Variants in DCT observed in about 807,000 individuals in gnomAD.
DCT encodes the protein L-dopachrome tautomerase.
DCT carries 47 observed loss-of-function variants against 53.0 expected under a neutral mutation model. The observed-to-expected ratio is 0.89, with a 90% confidence interval of 0.70 to 1.13. DCT has a LOEUF of 1.13. DCT is among the 50% of genes most tolerant of loss of function. DCT has a pLI of 0.00. For synonymous variants in DCT, 244 were observed against 237.0 expected, an observed-to-expected ratio of 1.03 and a Z score of -0.27; for missense variants, 669 against 637.4, an observed-to-expected ratio of 1.05 and a Z score of -0.53.
At chr13:94,537,931 A>C in the DCT span, among the ~76,000 whole-genome samples, 1 of 152,234 alleles carries the variant, frequency 6.6e-6, no homozygotes, top group African/African-American at 2.4e-5. Flanking sequence ...GGATGAAAAA[A>C]GAGGAGAAGT....
the DCT span, among the ~76,000 whole-genome samples, chr13:94,508,682 C>A: frequency 3.3e-5 from 5 of 152,068 alleles, no homozygotes; most frequent in African/African-American, 1.2e-4. Context: ...AAGGGGGATT[C>A]GAATTGTTGT....
the DCT span, among the ~76,000 whole-genome samples, chr13:94,492,907 G>A: frequency 6.1e-4 from 93 of 152,154 alleles, no homozygotes; most frequent in African/African-American, 2.1e-3. Context: ...CCTGATCGAC[G>A]TACATATTGA....
chr13:94,498,772 C>T, the DCT span, among the ~76,000 whole-genome samples: 3 of 152,220 alleles, frequency 2.0e-5, no homozygotes, highest in Non-Finnish European at 4.4e-5. Context: ...ATGCACCAAT[C>T]AGTGCTCTGT....
the DCT span, among the ~76,000 whole-genome samples, chr13:94,544,367 G>T: frequency 6.6e-6 from 1 of 152,152 alleles, no homozygotes; most frequent in Non-Finnish European, 1.5e-5. Context: ...AAATACGTGG[G>T]GAAAGCGGGT....
intron 6 of DCT, among the ~76,000 whole-genome samples, chr13:94,449,995 C>G (rs1178914736): frequency 6.6e-6 from 1 of 152,160 alleles, no homozygotes. Context: ...ATTTTGAAAT[C>G]CTAACTCCCA....
intron 6 of DCT, among the ~76,000 whole-genome samples, chr13:94,457,053 G>A (rs779774004): frequency 6.6e-6 from 1 of 152,140 alleles, no homozygotes; most frequent in Non-Finnish European, 1.5e-5. Context: ...TCACTTGAAC[G>A]CAGGAGGCGG....
rs1555333552 is a variant in DCT at position 94,466,016 on chromosome 13, A to ATATAC, written c.697-218_697-217insGTATA. Among the ~76,000 whole-genome samples the ATATAC allele has an allele frequency of 1.5e-3, 122 of 80,976 alleles. 1 individual carries two copies. Among genetic ancestry groups the ATATAC allele is most frequent in the South Asian group, 2.5e-3 (6 of 2,428 alleles). The allele number at this position is 80,976 out of a possible 152,430, so 53.1% of individuals were successfully genotyped here. On this transcript the variant is annotated intron_variant, in intron 3 of 7. Coordinates refer to ENST00000377028, the MANE Select transcript of DCT (RefSeq NM_001922.5). ...TATATATATATATATATATATATAT[A>ATATAC]TATATATACTGTGTACAATGGAGTA...
At chr13:94,467,886 C>T (rs1226868559) in intron 2 of DCT, 1 of 152,014 alleles carries the variant, frequency 6.6e-6, no homozygotes, top group Non-Finnish European at 1.5e-5. Flanking sequence ...TCAAGAACTG[C>T]TATGGGAAGA....
In DCT at chr13:94,443,534, C is replaced by T. The variant is rs776332822; in HGVS notation, c.1283G>A (p.Arg428Gln). 6.2e-6 allele frequency: 10 copies of T among 1,613,866 alleles called. No homozygotes were observed. Among genetic ancestry groups the T allele is most frequent in the African/African-American group, 1.3e-5 (1 of 75,002 alleles). The change falls in exon 7 of 8, where the codon CGG becomes CAG. Residue 428 changes from arginine (R) to glutamine (Q), a missense_variant. Arg to Gln is a conservative substitution (Grantham distance 43, BLOSUM62 1). Transcript: ENST00000377028. ...GAAGAAAGGAACCATGTTGTACATC[C>T]GATTGTGACCAATAGGGGCCAGCTC... ...PQELAPIGHN[R>Q]MYNMVPFFPP...
intron 1 of DCT, among the ~76,000 whole-genome samples, chr13:94,473,418 G>T (rs1373439715): frequency 1.3e-5 from 2 of 152,166 alleles, no homozygotes; most frequent in African/African-American, 4.8e-5. Flanking sequence ...TGTATTAAAT[G>T]CATTTTTGAC....
the DCT span, among the ~76,000 whole-genome samples, chr13:94,534,180 T>C: frequency 6.6e-6 from 1 of 151,024 alleles, no homozygotes; most frequent in Non-Finnish European, 1.5e-5. Context: ...ATAAATTAAA[T>C]AACCTATTAA....
the DCT span, among the ~76,000 whole-genome samples, chr13:94,493,746 G>A: frequency 3.3e-5 from 5 of 152,178 alleles, no homozygotes; most frequent in Non-Finnish European, 7.3e-5. Flanking sequence ...TAGGGAGGGA[G>A]GAAAAGATGA....
chr13:94,495,418 T>A, the DCT span, among the ~76,000 whole-genome samples: 1 of 152,202 alleles, frequency 6.6e-6, no homozygotes, highest in Non-Finnish European at 1.5e-5. Context: ...TTTTTAATGC[T>A]TTTGTTATAT....
chr13:94,528,715 A>G, the DCT span, among the ~76,000 whole-genome samples: 1 of 152,250 alleles, frequency 6.6e-6, no homozygotes, highest in Non-Finnish European at 1.5e-5. Flanking sequence ...CATCGACACT[A>G]TGAAGAAACT....
chr13:94,440,008 C>A lies in DCT; in HGVS notation c.1450G>T (p.Val484Phe). The change falls in exon 8 of 8, where the codon GTT (valine) becomes TTT (phenylalanine). Residue 484 changes from valine to phenylalanine, a missense_variant. Physicochemically the swap from Val to Phe is conservative, Grantham distance 50. Coordinates refer to ENST00000377028, the MANE Select transcript of DCT (RefSeq NM_001922.5). The part of the protein sequence containing the change: ...LVVMGTLVAL[V>F]GLFVLLAFLQ... ...AAAGCCAACAGCACAAAAAGACCAACCAAAGCCACCAGTGTTCCCATGACT... is the reference window on the plus strand; with the variant it reads ...AAAGCCAACAGCACAAAAAGACCAAACAAAGCCACCAGTGTTCCCATGACT... 2 of 1,614,080 alleles carry A rather than the reference C, an allele frequency of 1.2e-6. No homozygotes were observed. The highest frequency in any genetic ancestry group is 1.7e-6 in the Non-Finnish European group (2 of 1,179,976).
At chr13:94,489,236 AG>A in the DCT span, among the ~76,000 whole-genome samples, 5 of 152,336 alleles carry the variant, frequency 3.3e-5, no homozygotes, top group South Asian at 1.0e-3. Flanking sequence ...TGGAATGATG[AG>A]GACTTGTGAG....
chr13:94,530,679 T>C, the DCT span, among the ~76,000 whole-genome samples: 1 of 151,278 alleles, frequency 6.6e-6, no homozygotes, highest in Non-Finnish European at 1.5e-5. Context: ...CCACAGCCAA[T>C]ATCATCCTGA....
Position 94,462,132 on chromosome 13 carries a change from C to T in DCT, c.921G>A (p.Leu307=), listed in dbSNP as rs1883846935. 6.2e-7 allele frequency: 1 copy of T among 1,613,420 alleles called. No individual in the cohort carries two copies. The highest frequency in any genetic ancestry group is 2.2e-5 in the East Asian group (1 of 44,876). ...TGTTTCTTCCCATTTGATTTCTTCTCAGCAAACCTTCATAGGTTCCATTGC... is the reference window on the plus strand; with the variant it reads ...TGTTTCTTCCCATTTGATTTCTTCTTAGCAAACCTTCATAGGTTCCATTGC... ...TLCNGTYEGL[L]RRNQMGRNSM... is the part of the protein sequence containing the mutation. The change falls in exon 5 of 8, where the codon CTG becomes CTA. Residue 307 remains leucine (L), a synonymous_variant. Transcript: ENST00000377028.
chr13:94,487,192 C>T, the DCT span, among the ~76,000 whole-genome samples: 4 of 152,142 alleles, frequency 2.6e-5, no homozygotes, highest in Non-Finnish European at 5.9e-5. Flanking sequence ...CCAATGGAAG[C>T]CATCGAATCA....
Sources: gnomAD v4.1 joint callset for allele counts (sites outside exome capture counted in the v4.1 genomes callset) on GRCh38, gnomAD v4.1.1 for gene constraint, MANE v1.5 for transcripts, NCBI Gene and HGNC (gene_info 2026-07-23, HGNC 2026-07-21) for gene names.